Variants in TTYH2 observed in about 807,000 individuals in gnomAD.
TTYH2 encodes tweety family member 2.
Under a neutral mutation model 68.3 loss-of-function variants are expected in TTYH2, and 49 were observed. The ratio of observed to expected loss-of-function variants is 0.72; its 90% CI spans 0.57 to 0.91. The LOEUF is 0.91. Ranked by LOEUF, TTYH2 falls within the 40% of genes least tolerant of loss-of-function variation. The pLI, the probability that TTYH2 is intolerant of heterozygous loss-of-function variation, is 0.00. For missense variants in TTYH2, 631 were observed against 700.4 expected, an observed-to-expected ratio of 0.90 and a Z score of 1.12; for synonymous variants, 272 against 300.8, an observed-to-expected ratio of 0.90 and a Z score of 0.99.
rs1471658337 is a variant in TTYH2 at position 74,239,450 on chromosome 17, T to C, written c.635+1936T>C. On this transcript the variant is annotated intron_variant, in intron 4 of 13. Transcript: ENST00000269346. The surrounding 1 kb of genome is among the most constrained non-coding windows in gnomAD (Gnocchi z 5.3). ...CAAGCCATTGATGAACGTCAGAGCC[T>C]TTAGCTCAGGGTTGCACAACTTACT... is the stretch of plus-strand genomic sequence containing the variant. Among the ~76,000 whole-genome samples, 8 of 152,194 alleles carry C rather than the reference T, an allele frequency of 5.3e-5. No individual in the cohort carries two copies. The highest frequency in any genetic ancestry group is 1.4e-4 in the African/African-American group (6 of 41,448).
intron 6 of TTYH2, among the ~76,000 whole-genome samples, chr17:74,245,363 C>T (rs1239338806): frequency 6.6e-6 from 1 of 152,250 alleles, no homozygotes; most frequent in Non-Finnish European, 1.5e-5. Flanking sequence ...GGCCTCCAGC[C>T]TCTCCTCTGG....
intron 1 of TTYH2, among the ~76,000 whole-genome samples, chr17:74,216,150 A>G (rs12602043): frequency 0.022 from 3,356 of 152,322 alleles, 173 homozygotes; most frequent in East Asian, 0.21. Context: ...AGATCATTCA[A>G]TGGAGTGGCT....
At chr17:74,230,165 G>A (rs1337482973) in intron 2 of TTYH2, among the ~76,000 whole-genome samples, 3 of 152,038 alleles carry the variant, frequency 2.0e-5, no homozygotes, top group Non-Finnish European at 4.4e-5. Flanking sequence ...GGGTTAGAGG[G>A]GAGGGGGTAC....
intron 2 of TTYH2, among the ~76,000 whole-genome samples, chr17:74,227,410 CAGAG>C: frequency 6.6e-6 from 1 of 152,298 alleles, no homozygotes; most frequent in Non-Finnish European, 1.5e-5. Context: ...AATCGTGACT[CAGAG>C]AGCTAGAAAA....
At chr17:74,237,585 T>C in intron 4 of TTYH2, 71 bp downstream of exon 4, 1 of 1,371,074 alleles carries the variant, frequency 7.3e-7, no homozygotes, top group Non-Finnish European at 1.0e-6. Context: ...CAAACCTGCA[T>C]GTTGAGCTCC....
intron 2 of TTYH2, among the ~76,000 whole-genome samples, chr17:74,223,053 A>C (rs58249446): frequency 0.022 from 3,404 of 152,250 alleles, 120 homozygotes; most frequent in African/African-American, 0.078. Flanking sequence ...TGTGAGATCA[A>C]TAGCTTTTAG....
rs1230955748 is a variant in TTYH2 at position 74,217,048 on chromosome 17, C to T, written c.129+3332C>T. ...CACCTGGCACTGAATCCAGCAATGTCTCTCTGAGCAAATGAACGAGGCACT... is the reference window on the plus strand; with the variant it reads ...CACCTGGCACTGAATCCAGCAATGTTTCTCTGAGCAAATGAACGAGGCACT... On this transcript the variant is annotated intron_variant, in intron 1 of 13. Coordinates refer to ENST00000269346, the MANE Select transcript of TTYH2 (RefSeq NM_032646.6). The surrounding 1 kb of genome is among the most constrained non-coding windows in gnomAD (Gnocchi z 4.0). Among the ~76,000 whole-genome samples the T allele has an allele frequency of 6.6e-6, 1 of 152,218 alleles. No individual in the cohort carries two copies. The highest frequency in any genetic ancestry group is 1.5e-5 in the Non-Finnish European group (1 of 68,050).
At chr17:74,248,710 C>T in intron 6 of TTYH2, 1 of 1,297,210 alleles carries the variant, frequency 7.7e-7, no homozygotes, top group East Asian at 3.1e-5. Context: ...ATAAGAGTAA[C>T]AGCATGCGCT....
chr17:74,253,649 C>G (rs984781421), intron 12 of TTYH2, 106 bp from the exon 13 acceptor site: 1 of 1,109,104 alleles, frequency 9.0e-7, no homozygotes, highest in Non-Finnish European at 1.4e-6. Flanking sequence ...GGTTTGGTTC[C>G]ATCCCCCACC....
In TTYH2 at chr17:74,222,525, GCCTGAA is replaced by G. The variant is rs1326537977; in HGVS notation, c.174_179del (p.Asn59_Leu60del). On this transcript the variant is annotated inframe_deletion, in exon 2 of 14. Transcript: ENST00000269346. The surrounding 1 kb of genome is among the most constrained non-coding windows in gnomAD (Gnocchi z 5.2). ...GGGCTGGTGGCCGCCGTCTGCCTGG[GCCTGAA>G]CCTCATCTTCCTTGTGGCTTACCTG... is the stretch of plus-strand genomic sequence containing the variant. The G allele has an allele frequency of 6.2e-7, 1 of 1,611,980 alleles. No individual in the cohort carries two copies. The highest frequency in any genetic ancestry group is 8.5e-7 in the Non-Finnish European group (1 of 1,179,978).
chr17:74,240,052 A>G (rs2050483394), intron 4 of TTYH2, among the ~76,000 whole-genome samples: 3 of 152,230 alleles, frequency 2.0e-5, no homozygotes, highest in African/African-American at 7.2e-5. Flanking sequence ...TGGTATTAAA[A>G]TAGTGGAAGG....
chr17:74,236,644 C>T (rs1011671130), intron 3 of TTYH2, among the ~76,000 whole-genome samples: 4 of 152,342 alleles, frequency 2.6e-5, no homozygotes, highest in Middle Eastern at 3.4e-3. Context: ...ACACTCCCAG[C>T]GCCAGAGGCT....
intron 13 of TTYH2, among the ~76,000 whole-genome samples, chr17:74,259,172 C>A (rs1270074033): frequency 6.6e-6 from 1 of 152,166 alleles, no homozygotes; most frequent in African/African-American, 2.4e-5. Context: ...TCTAAAAACA[C>A]TGATAGCTCT....
intron 13 of TTYH2, 103 bp from the exon 14 acceptor site, chr17:74,260,026 C>A: frequency 9.6e-7 from 1 of 1,039,104 alleles, no homozygotes; most frequent in Non-Finnish European, 1.5e-6. Flanking sequence ...GGGTTTCCCT[C>A]TGACACCCGA....
At position 74,218,963 on chromosome 17, in the gene TTYH2, C is replaced by T. The variant is rs529489692; in HGVS notation, c.130-3522C>T. On this transcript the variant is annotated intron_variant, in intron 1 of 13. Transcript: ENST00000269346. ...GGAATAACTTGGTTGGGCGTCGTGG[C>T]TCACGCCCGTAATCCCAGCACTTTG... Among the ~76,000 whole-genome samples the T allele has an allele frequency of 2.0e-5, 3 of 152,292 alleles. No homozygotes were observed. In the South Asian group the frequency reaches 6.2e-4, roughly 32 times the overall value.
In TTYH2 at chr17:74,222,034, C is replaced by T. The variant is rs1035770348; in HGVS notation, c.130-451C>T. Among the ~76,000 whole-genome samples, 3 of 152,272 alleles carry T rather than the reference C, an allele frequency of 2.0e-5. No homozygotes were observed. Among genetic ancestry groups the T allele is most frequent in the Non-Finnish European group, 2.9e-5 (2 of 68,008 alleles). On this transcript the variant is annotated intron_variant, in intron 1 of 13. Coordinates refer to ENST00000269346, the MANE Select transcript of TTYH2 (RefSeq NM_032646.6). This position sits in a 1 kb window ranked among gnomAD's most constrained non-coding sequence, Gnocchi z 5.2. ...CCCTGCCTCAGTGGCACTCAGCGCC[C>T]GAGGCCTCTGGGTACTCTGGTCTTG... is the stretch of plus-strand genomic sequence containing the variant.
intron 13 of TTYH2, among the ~76,000 whole-genome samples, chr17:74,257,922 GGC>G: frequency 6.6e-6 from 1 of 152,112 alleles, no homozygotes; most frequent in South Asian, 2.1e-4. Flanking sequence ...GGGAGGCCAA[GGC>G]AGGTGGATCA....
In TTYH2 at chr17:74,215,703, C is replaced by T. The variant is rs1253884380; in HGVS notation, c.129+1987C>T. On this transcript the variant is annotated intron_variant, in intron 1 of 13. Transcript: ENST00000269346. The surrounding 1 kb of genome is among the most constrained non-coding windows in gnomAD (Gnocchi z 4.3). ...GCTCTGGGTGTTATTTAAGGTGGCT[C>T]CTGTTTTTGGTAAGTTCCCCTGTTG... The T allele has an allele frequency of 2.9e-5, 44 of 1,533,322 alleles. No homozygotes were observed. The highest frequency in any genetic ancestry group is 3.6e-5 in the Non-Finnish European group (41 of 1,146,882). The allele number at this position is 1,533,322 out of a possible 1,614,324, so 95.0% of individuals were successfully genotyped here.
Position 74,253,750 on chromosome 17 carries a change from C to A in TTYH2, c.1446-5C>A. On this transcript the variant is annotated splice_polypyrimidine_tract_variant and splice_region_variant and intron_variant, in intron 12 of 13. Transcript: ENST00000269346. ...CCCTCCTGAGCTCTCCTCTCATCCCCGCAGGAACCAAGCCATGCTCTTTGG... is the reference window on the plus strand; with the variant it reads ...CCCTCCTGAGCTCTCCTCTCATCCCAGCAGGAACCAAGCCATGCTCTTTGG... 3 of 1,614,126 alleles carry A rather than the reference C, an allele frequency of 1.9e-6. No individual in the cohort carries two copies. The highest frequency in any genetic ancestry group is 2.5e-6 in the Non-Finnish European group (3 of 1,179,992).
Sources: gnomAD v4.1 joint callset for allele counts (sites outside exome capture counted in the v4.1 genomes callset) on GRCh38, gnomAD v4.1.1 for gene constraint, Gnocchi (gnomAD v3.1) non-coding constraint, MANE v1.5 for transcripts, NCBI Gene and HGNC (gene_info 2026-07-23, HGNC 2026-07-21) for gene names.